The following NFASC variants were observed in gnomAD, a reference collection of about 807,000 sequenced individuals.
NFASC encodes the protein neurofascin, also known as neurofascin homolog.
NFASC carries 43 observed loss-of-function variants against 147.5 expected under a neutral mutation model. That is an observed-to-expected ratio of 0.29 (90% confidence interval 0.23 to 0.38). The LOEUF (loss-of-function observed/expected upper bound fraction) is 0.38, where lower values mean the gene tolerates loss of function less well. Among genes scored for constraint, NFASC ranks in the 10% least tolerant of loss-of-function variants. NFASC has a pLI of 1.00. For synonymous variants in NFASC, 622 were observed against 665.5 expected (o/e 0.93, Z 1.01); for missense variants, 1,320 against 1,689.0 (o/e 0.78, Z 3.83).
intron 17 of NFASC, among the ~76,000 whole-genome samples, chr1:204,978,669 T>C (rs998188655): frequency 6.6e-6 from 1 of 152,190 alleles, no homozygotes; most frequent in Non-Finnish European, 1.5e-5. Flanking sequence ...TCTCAGAAGA[T>C]CCACCAAGAC....
At position 204,874,791 on chromosome 1, in the gene NFASC, C is replaced by G. The variant is rs541187829; in HGVS notation, c.-199-45841C>G. Among the ~76,000 whole-genome samples the G allele has an allele frequency of 5.9e-5, 9 of 152,276 alleles. No individual in the cohort carries two copies. The South Asian group carries it at 1.7e-3, about 28-fold the overall frequency. On this transcript the variant is annotated intron_variant, in intron 1 of 29. Transcript: ENST00000339876. ...GGGCCCGGTGATAGAGTCAGCCCCA[C>G]ATTTATAATCACTTCGGAAAAGGAG... is the stretch of plus-strand genomic sequence containing the variant.
At chr1:204,898,906 C>T (rs2083940402) in intron 1 of NFASC, among the ~76,000 whole-genome samples, 2 of 152,206 alleles carry the variant, frequency 1.3e-5, no homozygotes, top group African/African-American at 4.8e-5. Flanking sequence ...TAGGAGCCCT[C>T]AGGTTCTAAA....
chr1:204,903,466 G>T (rs1255009452), intron 1 of NFASC, among the ~76,000 whole-genome samples: 1 of 152,226 alleles, frequency 6.6e-6, no homozygotes, highest in African/African-American at 2.4e-5. Flanking sequence ...GAGGCCAGGT[G>T]TCTCCCATAT....
chr1:204,873,370 G>C (rs760188473), intron 1 of NFASC, among the ~76,000 whole-genome samples: 40 of 152,154 alleles, frequency 2.6e-4, no homozygotes, highest in Admixed American at 1.8e-3. Context: ...GGTACACCAA[G>C]TACCTGGCTG....
chr1:204,887,846 C>T (rs2081618823), intron 1 of NFASC, among the ~76,000 whole-genome samples: 1 of 152,066 alleles, frequency 6.6e-6, no homozygotes, highest in Non-Finnish European at 1.5e-5. Context: ...AATCAGCCCG[C>T]CTTGGCCTCT....
At chr1:204,832,005 G>A (rs1486204127) in intron 1 of NFASC, among the ~76,000 whole-genome samples, 1 of 152,188 alleles carries the variant, frequency 6.6e-6, no homozygotes, top group African/African-American at 2.4e-5. Context: ...TATGAAGAGG[G>A]CTTGGCTGAT....
intron 1 of NFASC, among the ~76,000 whole-genome samples, chr1:204,853,567 A>G (rs2075883358): frequency 6.6e-6 from 1 of 152,220 alleles, no homozygotes; most frequent in Non-Finnish European, 1.5e-5. Context: ...ACCTGGAGCC[A>G]GTGCTTTGTG....
chr1:204,977,089 C>A (rs1341618275), intron 16 of NFASC: 2 of 1,212,190 alleles, frequency 1.6e-6, no homozygotes, highest in Non-Finnish European at 2.1e-6. Flanking sequence ...GATCATTTTA[C>A]CTTTCTTACA....
chr1:204,980,748 G>A (rs776084027), intron 20 of NFASC, among the ~76,000 whole-genome samples: 4 of 152,176 alleles, frequency 2.6e-5, no homozygotes, highest in Admixed American at 2.6e-4. Context: ...TCTCTTGAAG[G>A]AGGAGGGACT....
At chr1:204,865,676 T>C (rs188548668) in intron 1 of NFASC, among the ~76,000 whole-genome samples, 11 of 152,356 alleles carry the variant, frequency 7.2e-5, no homozygotes, top group Admixed American at 7.2e-4. Flanking sequence ...TTGATTACCA[T>C]AGCTTTGTAG....
At chr1:204,858,027 C>T (rs879656950) in intron 1 of NFASC, among the ~76,000 whole-genome samples, 2 of 150,450 alleles carry the variant, frequency 1.3e-5, no homozygotes, top group Admixed American at 1.3e-4. Context: ...TCAAGCAATT[C>T]TCCTGTCTCA....
At chr1:204,914,467 A>G (rs561269187) in intron 1 of NFASC, among the ~76,000 whole-genome samples, 61 of 152,306 alleles carry the variant, frequency 4.0e-4, no homozygotes, top group Admixed American at 9.1e-4. Context: ...CCTTTCCACC[A>G]TGATTGTAAG....
intron 8 of NFASC, among the ~76,000 whole-genome samples, chr1:204,960,197 C>T (rs1558260784): frequency 6.6e-6 from 1 of 152,232 alleles, no homozygotes; most frequent in Non-Finnish European, 1.5e-5. Context: ...CCAGGCACTC[C>T]TGTCACAGTT....
intron 1 of NFASC, among the ~76,000 whole-genome samples, chr1:204,830,884 T>C (rs1402956061): frequency 6.6e-6 from 1 of 152,202 alleles, no homozygotes; most frequent in African/African-American, 2.4e-5. Flanking sequence ...GTGACTGGAC[T>C]CCTTCAGCTC....
At position 204,858,071 on chromosome 1, in the gene NFASC, C is replaced by T. The variant is rs538229904; in HGVS notation, c.-200+29289C>T. 7.2e-5 allele frequency among the ~76,000 whole-genome samples: 11 copies of T among 152,042 alleles called. No homozygotes were observed. In the East Asian group the frequency reaches 1.5e-3, roughly 21 times the overall value. On this transcript the variant is annotated intron_variant, in intron 1 of 29. Coordinates refer to ENST00000339876, the MANE Select transcript of NFASC (RefSeq NM_001005388.3). ...AGTAGCTAGGATTACAGGCGCCTGC[C>T]GTAACCCCCAGCTAATTTTTGTATT...
chr1:204,977,204 T>C, intron 16 of NFASC: 1 of 828,418 alleles, frequency 1.2e-6, no homozygotes, highest in Non-Finnish European at 1.5e-6. Context: ...TCCCTCCCGC[T>C]CCATCCCTGG....
At chr1:204,903,028 C>T (rs2085002022) in intron 1 of NFASC, among the ~76,000 whole-genome samples, 1 of 152,154 alleles carries the variant, frequency 6.6e-6, no homozygotes, top group Non-Finnish European at 1.5e-5. Flanking sequence ...TTGAGAATAC[C>T]ATTCTCCCAT....
At position 204,954,410 on chromosome 1, in the gene NFASC, A is replaced by G. The variant is rs201682789; in HGVS notation, c.412+26A>G. 195 of 1,602,352 alleles carry G rather than the reference A, an allele frequency of 1.2e-4. 1 individual carries two copies. The East Asian group carries it at 3.8e-3, about 31-fold the overall frequency. ...GTGAGTAGCGTGGGGCAGGGCTGAAATGCCCTGCTCCTGGGTAAATGGAGA... is the reference window on the plus strand; with the variant it reads ...GTGAGTAGCGTGGGGCAGGGCTGAAGTGCCCTGCTCCTGGGTAAATGGAGA... On this transcript the variant is annotated intron_variant, in intron 6 of 29. Transcript: ENST00000339876. The surrounding 1 kb of genome is among the most constrained non-coding windows in gnomAD (Gnocchi z 5.7).
Position 204,957,838 on chromosome 1 carries a change from C to T in NFASC, c.706+12C>T, listed in dbSNP as rs371850289. 2.5e-5 allele frequency: 40 copies of T among 1,613,572 alleles called. No individual in the cohort carries two copies. Among genetic ancestry groups the T allele is most frequent in the Non-Finnish European group, 3.0e-5 (35 of 1,179,664 alleles). On this transcript the variant is annotated intron_variant, in intron 8 of 29. Coordinates refer to ENST00000339876, the MANE Select transcript of NFASC (RefSeq NM_001005388.3). ...CAAGGTCCTCACCAGTAAGTGAAGG[C>T]CCCTGTCCCGGGGCTGGGGGCCAAA...
Sources: allele counts gnomAD v4.1 joint callset (sites outside exome capture counted in the v4.1 genomes callset), GRCh38; gene constraint gnomAD v4.1.1; non-coding constraint Gnocchi (gnomAD v3.1); transcripts MANE v1.5; gene names NCBI Gene and HGNC (gene_info 2026-07-23, HGNC 2026-07-21).